The following RIC1 variants were observed in gnomAD, a reference collection of about 807,000 sequenced individuals.
The protein encoded by RIC1 is RIC1 partner of RAB6A GEF complex.
Under a neutral mutation model 169.0 loss-of-function variants are expected in RIC1, and 88 were observed. The observed-to-expected ratio is 0.52, with a 90% CI of 0.44 to 0.62. The LOEUF (loss-of-function observed/expected upper bound fraction) is 0.62. RIC1 is among the 20% of genes least tolerant of loss of function. The pLI, the probability that RIC1 is intolerant of heterozygous loss-of-function variation, is 0.00. For missense variants in RIC1, 1,877 were observed against 1,725.5 expected, an observed-to-expected ratio of 1.09 and a Z score of -1.56; for synonymous variants, 790 against 601.5, an observed-to-expected ratio of 1.31 and a Z score of -4.59.
chr9:5,714,056 T>G, intron 4 of RIC1, 53 bp downstream of exon 4: 1 of 1,155,350 alleles, frequency 8.7e-7, no homozygotes, highest in Non-Finnish European at 1.3e-6. Context: ...GACAATGTAG[T>G]TCGTAAATCC....
chr9:5,637,525 C>A (rs942667797), intron 1 of RIC1, among the ~76,000 whole-genome samples: 1 of 152,294 alleles, frequency 6.6e-6, no homozygotes, highest in Admixed American at 6.5e-5. Flanking sequence ...ACTGTAGTCA[C>A]CCTGTTGTGC....
chr9:5,673,268 G>A (rs1820218530), intron 2 of RIC1, among the ~76,000 whole-genome samples: 2 of 151,824 alleles, frequency 1.3e-5, no homozygotes, highest in Non-Finnish European at 2.9e-5. Flanking sequence ...TGCAGAAGGA[G>A]AAGTATGAAG....
chr9:5,738,938 G>A (rs551287872), intron 8 of RIC1, among the ~76,000 whole-genome samples: 6 of 152,072 alleles, frequency 3.9e-5, no homozygotes, highest in South Asian at 2.1e-4. Context: ...GTTGAGTGCC[G>A]TCACTTGGCC....
chr9:5,709,688 C>T (rs1028432498), intron 3 of RIC1, among the ~76,000 whole-genome samples: 1 of 152,074 alleles, frequency 6.6e-6, no homozygotes, highest in East Asian at 1.9e-4. Flanking sequence ...TGATGCTGTA[C>T]CTTATCAAAT....
chr9:5,688,148 G>A (rs1308052471), intron 2 of RIC1, among the ~76,000 whole-genome samples: 1 of 151,986 alleles, frequency 6.6e-6, no homozygotes, highest in African/African-American at 2.4e-5. Flanking sequence ...ATGTCCTTTT[G>A]TGCTAATTTT....
intron 1 of RIC1, 75 bp from the exon 2 acceptor site, chr9:5,656,508 A>G (rs1232353280): frequency 3.2e-6 from 2 of 632,546 alleles, no homozygotes; most frequent in East Asian, 5.7e-5. Flanking sequence ...ATACTCTGTT[A>G]TCTTAAATTT....
At chr9:5,758,331 A>G (rs550282828) in intron 17 of RIC1, among the ~76,000 whole-genome samples, 4 of 152,280 alleles carry the variant, frequency 2.6e-5, no homozygotes, top group Admixed American at 1.3e-4. Context: ...GGAAAATTCT[A>G]TGTGGATTTA....
At chr9:5,669,983 AAG>A (rs1819995715) in intron 2 of RIC1, among the ~76,000 whole-genome samples, 1 of 152,186 alleles carries the variant, frequency 6.6e-6, no homozygotes, top group Non-Finnish European at 1.5e-5. Context: ...AGATGGACCT[AAG>A]AGAAGAAGGT....
chr9:5,684,147 C>G (rs552105499), intron 2 of RIC1, among the ~76,000 whole-genome samples: 2 of 152,156 alleles, frequency 1.3e-5, no homozygotes, highest in South Asian at 4.2e-4. Flanking sequence ...GCTGCACCCA[C>G]TGTCCGGCAC....
chr9:5,729,115 G>C (rs889379639), intron 6 of RIC1, among the ~76,000 whole-genome samples: 1 of 152,162 alleles, frequency 6.6e-6, no homozygotes, highest in South Asian at 2.1e-4. Flanking sequence ...CCAGTATTCT[G>C]GGATTTGAGT....
At chr9:5,686,917 T>G (rs62557383) in intron 2 of RIC1, among the ~76,000 whole-genome samples, 4,070 of 152,302 alleles carry the variant, frequency 0.027, 75 homozygotes, top group Admixed American at 0.045. Context: ...TGTATTCAAC[T>G]GATATTATTT....
chr9:5,664,191 C>G (rs957951766), intron 2 of RIC1, among the ~76,000 whole-genome samples: 2 of 151,884 alleles, frequency 1.3e-5, no homozygotes, highest in African/African-American at 2.4e-5. Context: ...GGGCGGATAA[C>G]GAGGTCAAGA....
chr9:5,720,814 A>G (rs529247380), intron 6 of RIC1, 64 bp downstream of exon 6: 1 of 1,332,706 alleles, frequency 7.5e-7, no homozygotes, highest in African/African-American at 1.5e-5. Context: ...TTTGTTATCA[A>G]ATTCTTCTCT....
At chr9:5,739,371 A>G (rs1041890171) in intron 8 of RIC1, among the ~76,000 whole-genome samples, 1 of 152,176 alleles carries the variant, frequency 6.6e-6, no homozygotes, top group Non-Finnish European at 1.5e-5. Context: ...GGCCCAAATC[A>G]ATAAATTCAG....
At chr9:5,713,852 G>T in intron 3 of RIC1, 44 bp from the exon 4 acceptor site, 1 of 1,378,528 alleles carries the variant, frequency 7.3e-7, no homozygotes, top group South Asian at 1.2e-5. Context: ...ACAGAATGGA[G>T]GCAAATTCAG....
intron 7 of RIC1, among the ~76,000 whole-genome samples, chr9:5,733,663 A>G (rs1241143152): frequency 6.6e-6 from 1 of 152,240 alleles, no homozygotes; most frequent in East Asian, 1.9e-4. Context: ...ACTTTTTCTC[A>G]ATACATTGAT....
At chr9:5,689,752 A>G (rs1821483322) in intron 2 of RIC1, among the ~76,000 whole-genome samples, 1 of 152,208 alleles carries the variant, frequency 6.6e-6, no homozygotes. Context: ...GATTTCACTG[A>G]AAGATTTTGA....
At chr9:5,708,823 CT>C (rs1822756308) in intron 3 of RIC1, among the ~76,000 whole-genome samples, 1 of 152,066 alleles carries the variant, frequency 6.6e-6, no homozygotes, top group Non-Finnish European at 1.5e-5. Flanking sequence ...CATATATTCT[CT>C]TTTCTCTCTC....
chr9:5,767,074 G>C (rs191321065), intron 21 of RIC1, among the ~76,000 whole-genome samples: 2 of 152,308 alleles, frequency 1.3e-5, no homozygotes, highest in East Asian at 3.9e-4. Flanking sequence ...ATTTGAAAAT[G>C]CAACAAACTT....
Sources: allele counts gnomAD v4.1 joint callset (sites outside exome capture counted in the v4.1 genomes callset), GRCh38; gene constraint gnomAD v4.1.1; transcripts MANE v1.5; gene names NCBI Gene and HGNC (gene_info 2026-07-23, HGNC 2026-07-21).